Variants in AXIN1 observed in about 807,000 individuals in gnomAD.
AXIN1 encodes axin 1.
In AXIN1, 30 loss-of-function variants were observed where a neutral mutation model predicts 76.4. The observed-to-expected ratio is 0.39, with a 90% CI of 0.29 to 0.53. The LOEUF (loss-of-function observed/expected upper bound fraction) is 0.53. AXIN1 is among the 20% of genes least tolerant of loss of function. AXIN1 has a pLI of 0.66. For missense variants in AXIN1, 1,140 were observed against 1,198.8 expected (o/e 0.95, Z 0.72); for synonymous variants, 545 against 501.4 (o/e 1.09, Z -1.16).
intron 2 of AXIN1, among the ~76,000 whole-genome samples, chr16:320,741 A>AAATTTTT (rs1555482159): frequency 1.1e-5 from 1 of 92,080 alleles, no homozygotes; most frequent in African/African-American, 5.6e-5. Context: ...ATATATATAT[A>AAATTTTT]TATTTTTTTT....
intron 9 of AXIN1, 111 bp downstream of exon 9, chr16:291,079 G>A (rs12925669): frequency 0.15 from 150,987 of 1,003,966 alleles, 12,393 homozygotes; most frequent in South Asian, 0.2. Flanking sequence ...AGCTGCTTCT[G>A]AGCGTGGTAC....
At chr16:299,400 T>C (rs1425008296) in intron 5 of AXIN1, among the ~76,000 whole-genome samples, 1 of 152,274 alleles carries the variant, frequency 6.6e-6, no homozygotes, top group African/African-American at 2.4e-5. Flanking sequence ...TCAGCCAGGC[T>C]GGAGTGCAGT....
At chr16:324,770 G>A (rs752570565) in intron 2 of AXIN1, among the ~76,000 whole-genome samples, 1 of 152,120 alleles carries the variant, frequency 6.6e-6, no homozygotes, top group Non-Finnish European at 1.5e-5. Flanking sequence ...CCGACCCCCC[G>A]GAACAGCACA....
At chr16:310,291 C>A (rs907829268) in intron 3 of AXIN1, among the ~76,000 whole-genome samples, 1 of 152,256 alleles carries the variant, frequency 6.6e-6, no homozygotes, top group African/African-American at 2.4e-5. Flanking sequence ...AGCCCAGGTG[C>A]CCAGCCACGC....
chr16:302,992 C>T (rs169955), intron 5 of AXIN1, among the ~76,000 whole-genome samples: 28,764 of 151,988 alleles, frequency 0.19, 3,112 homozygotes, highest in African/African-American at 0.28. Context: ...TTCCTGAATA[C>T]CTGGGACCAC....
In AXIN1 at chr16:293,769, T is replaced by C. The variant is rs2141487933; in HGVS notation, c.1956-51A>G. On this transcript the variant is annotated intron_variant, in intron 7 of 10. Transcript: ENST00000262320. This position sits in a 1 kb window ranked among gnomAD's most constrained non-coding sequence, Gnocchi z 4.6. Reference sequence around the variant, plus strand: ...GACTGTGGCCGACACCCTGGCCAGGTGGCCTGGTGGGGCTACACTCATCTC... The same window carrying C: ...GACTGTGGCCGACACCCTGGCCAGGCGGCCTGGTGGGGCTACACTCATCTC... 1.3e-6 allele frequency: 2 copies of C among 1,560,404 alleles called. No individual in the cohort carries two copies. The highest frequency in any genetic ancestry group is 8.8e-7 in the Non-Finnish European group (1 of 1,136,718).
chr16:322,686 T>C (rs901059077), intron 2 of AXIN1, among the ~76,000 whole-genome samples: 1 of 152,170 alleles, frequency 6.6e-6, no homozygotes, highest in African/African-American at 2.4e-5. Context: ...CCACTGAGGA[T>C]GGTGGGTGAA....
chr16:301,041 C>G (rs961496172), intron 5 of AXIN1, among the ~76,000 whole-genome samples: 1 of 151,888 alleles, frequency 6.6e-6, no homozygotes, highest in Non-Finnish European at 1.5e-5. Context: ...GAGGCCGAGG[C>G]GGGTGGATCA....
chr16:336,830 A>AAAAC (rs2053814783), intron 2 of AXIN1, among the ~76,000 whole-genome samples: 1 of 150,242 alleles, frequency 6.7e-6, no homozygotes, highest in Admixed American at 6.6e-5. Flanking sequence ...AAAAAAAAAA[A>AAAAC]AAAACAAAAC....
chr16:308,108 C>T (rs977816610), intron 4 of AXIN1, among the ~76,000 whole-genome samples: 1 of 152,222 alleles, frequency 6.6e-6, no homozygotes, highest in African/African-American at 2.4e-5. Flanking sequence ...ACACAAGGGC[C>T]CTCTGGGGGT....
At chr16:325,754 C>CT (rs1238614180) in intron 2 of AXIN1, among the ~76,000 whole-genome samples, 1 of 152,342 alleles carries the variant, frequency 6.6e-6, no homozygotes, top group African/African-American at 2.4e-5. Context: ...AACACGGCAC[C>CT]TTGCTCTGTG....
chr16:293,856 A>G lies in AXIN1; in HGVS notation c.1956-138T>C, dbSNP rs991764091. On this transcript the variant is annotated intron_variant, in intron 7 of 10. Transcript: ENST00000262320. This position sits in a 1 kb window ranked among gnomAD's most constrained non-coding sequence, Gnocchi z 4.6. Reference sequence around the variant, plus strand: ...GGCACTGGGGCCTGGCCACCAAGCCACATGGACGTCCTCCACAGACCACAC... The same window carrying G: ...GGCACTGGGGCCTGGCCACCAAGCCGCATGGACGTCCTCCACAGACCACAC... 5.7e-5 allele frequency: 47 copies of G among 817,554 alleles called. No individual in the cohort carries two copies. Among genetic ancestry groups the G allele is most frequent in the Non-Finnish European group, 8.5e-5 (41 of 481,532 alleles). 50.6% of individuals were successfully genotyped at this position (817,554 alleles called of 1,614,324 possible). A position where few individuals can be genotyped will look rare whatever the true frequency, so the allele number is the denominator to read the frequency against.
At chr16:309,907 C>G in intron 4 of AXIN1, 66 bp downstream of exon 4, 1 of 1,528,768 alleles carries the variant, frequency 6.5e-7, no homozygotes, top group Non-Finnish European at 9.0e-7. Flanking sequence ...TTCCCGCGGA[C>G]CAGTTCACCA....
At chr16:352,065 A>G (rs75048186) in intron 1 of AXIN1, among the ~76,000 whole-genome samples, 26,934 of 151,820 alleles carry the variant, frequency 0.18, 2,490 homozygotes, top group South Asian at 0.28. Flanking sequence ...CTCCTCCGGG[A>G]CAGCCGGACT....
chr16:318,928 C>G (rs942127867), intron 2 of AXIN1, among the ~76,000 whole-genome samples: 3 of 151,862 alleles, frequency 2.0e-5, no homozygotes, highest in Non-Finnish European at 4.4e-5. Context: ...GGCTCTGACC[C>G]CTGGCTGTGT....
At chr16:314,727 A>G (rs748465884) in intron 2 of AXIN1, 44 bp from the exon 3 acceptor site, 47 of 1,610,072 alleles carry the variant, frequency 2.9e-5, no homozygotes, top group Non-Finnish European at 3.6e-5. Flanking sequence ...GCCTGCCAAC[A>G]GCCTCTCATT....
rs2141515972 is a variant in AXIN1 at position 298,201 on chromosome 16, A to G, written c.1305T>C (p.Cys435=). ...AAGCGGGGGCGGGAGGCAGCTTGTG[A>G]CACGGCCCTGGGGGCCCTGACGATG... ...GDPSSGPPGP[C]HKLPPAPAWH... Residue 435 remains cysteine (C), a synonymous_variant, in exon 6 of 11, where the codon TGT becomes TGC. Coordinates refer to ENST00000262320, the MANE Select transcript of AXIN1 (RefSeq NM_003502.4). 1 of 1,541,422 alleles carries G rather than the reference A, an allele frequency of 6.5e-7. No homozygotes were observed. Among genetic ancestry groups the G allele is most frequent in the Non-Finnish European group, 8.7e-7 (1 of 1,147,232 alleles).
chr16:344,258 A>G (rs1477495975), intron 2 of AXIN1, among the ~76,000 whole-genome samples: 3 of 151,612 alleles, frequency 2.0e-5, no homozygotes, highest in African/African-American at 7.3e-5. Context: ...GGTGAAACCC[A>G]GTCTCTACTA....
rs2054166285 is a variant in AXIN1 at position 352,428 on chromosome 16, G to A, written c.-141C>T. The stretch of plus-strand genomic sequence containing the variant: ...TCCCGGAGCGGCGCGGCGCGGTCCG[G>A]GCCCATGCGCTCAGCGGCAGCGCGG... On this transcript the variant is annotated 5_prime_UTR_variant, in exon 1 of 11. Coordinates refer to ENST00000262320, the MANE Select transcript of AXIN1 (RefSeq NM_003502.4). The A allele has an allele frequency of 9.2e-6, 9 of 975,012 alleles. No individual in the cohort carries two copies. The highest frequency in any genetic ancestry group is 4.7e-5 in the South Asian group (1 of 21,234). 60.4% of individuals were successfully genotyped at this position (975,012 alleles called of 1,614,324 possible).
Sources: gnomAD v4.1 joint callset for allele counts (sites outside exome capture counted in the v4.1 genomes callset) on GRCh38, gnomAD v4.1.1 for gene constraint, Gnocchi (gnomAD v3.1) non-coding constraint, MANE v1.5 for transcripts, NCBI Gene and HGNC (gene_info 2026-07-23, HGNC 2026-07-21) for gene names.